The following BACH2 variants were observed in gnomAD, a reference collection of about 807,000 sequenced individuals.
BACH2 encodes transcription regulator protein BACH2.
Under a neutral mutation model 61.8 loss-of-function variants are expected in BACH2, and 5 were observed. That is an observed-to-expected ratio of 0.08 (90% CI 0.04 to 0.17). BACH2 has a LOEUF of 0.17. BACH2 is among the 10% of genes least tolerant of loss of function. The pLI, the probability that BACH2 is intolerant of heterozygous loss-of-function variation, is 1.00. For missense variants in BACH2, 824 were observed against 1,091.1 expected (o/e 0.76, Z 3.45); for synonymous variants, 446 against 440.1 (o/e 1.01, Z -0.17).
intron 5 of BACH2, among the ~76,000 whole-genome samples, chr6:90,079,417 C>A (rs933054495): frequency 6.6e-6 from 1 of 152,188 alleles, no homozygotes. Flanking sequence ...TGTAAAACTG[C>A]ATTTCAAATA....
At chr6:90,199,845 G>A (rs921531433) in intron 4 of BACH2, among the ~76,000 whole-genome samples, 3 of 152,212 alleles carry the variant, frequency 2.0e-5, no homozygotes, top group Non-Finnish European at 4.4e-5. Context: ...GAATAGAAGT[G>A]CTACAATGTC....
At chr6:90,061,773 G>A (rs1177035062) in intron 5 of BACH2, among the ~76,000 whole-genome samples, 1 of 152,132 alleles carries the variant, frequency 6.6e-6, no homozygotes. Flanking sequence ...AGAAGGGAGT[G>A]ATTGACTGTG....
intron 5 of BACH2, among the ~76,000 whole-genome samples, chr6:90,073,476 T>G (rs937095775): frequency 6.6e-6 from 1 of 152,244 alleles, no homozygotes; most frequent in Non-Finnish European, 1.5e-5. Context: ...AAGAGAATTC[T>G]GCAAGGATGC....
chr6:90,125,223 GTGTT>G (rs1783797085), intron 4 of BACH2, among the ~76,000 whole-genome samples: 2 of 152,188 alleles, frequency 1.3e-5, no homozygotes, highest in Non-Finnish European at 2.9e-5. Flanking sequence ...ATTAGTTTGT[GTGTT>G]TATTTATAGA....
intron 4 of BACH2, among the ~76,000 whole-genome samples, chr6:90,145,152 A>G (rs546410535): frequency 1.9e-4 from 29 of 152,222 alleles, no homozygotes; most frequent in Non-Finnish European, 3.2e-4. Flanking sequence ...ACAAGCGCAT[A>G]CTGCCTGACA....
At chr6:90,020,515 T>G (rs1778315266) in intron 5 of BACH2, among the ~76,000 whole-genome samples, 1 of 152,002 alleles carries the variant, frequency 6.6e-6, no homozygotes, top group African/African-American at 2.4e-5. Context: ...CAGACAGTCC[T>G]CATCAGCAAG....
At chr6:90,155,272 T>C (rs1010843172) in intron 4 of BACH2, among the ~76,000 whole-genome samples, 10 of 152,206 alleles carry the variant, frequency 6.6e-5, no homozygotes, top group African/African-American at 2.4e-4. Flanking sequence ...TTAGGACTTC[T>C]AAAGGGAAAC....
intron 5 of BACH2, among the ~76,000 whole-genome samples, chr6:90,074,149 T>C (rs182370371): frequency 6.6e-6 from 1 of 152,360 alleles, no homozygotes; most frequent in East Asian, 1.9e-4. Flanking sequence ...GGGTAGTTTA[T>C]AAGTTAATGG....
chr6:90,084,887 T>C (rs1781866935), intron 5 of BACH2, among the ~76,000 whole-genome samples: 1 of 152,098 alleles, frequency 6.6e-6, no homozygotes. Context: ...TCCTTATAGA[T>C]GACTCTTCAG....
chr6:90,203,550 C>G (rs1769032099), intron 4 of BACH2, among the ~76,000 whole-genome samples: 2 of 152,066 alleles, frequency 1.3e-5, no homozygotes, highest in Admixed American at 1.3e-4. Context: ...AATGCACACC[C>G]TGGGAAAATA....
chr6:90,225,352 A>G (rs1398541887), intron 3 of BACH2, among the ~76,000 whole-genome samples: 1 of 152,128 alleles, frequency 6.6e-6, no homozygotes, highest in East Asian at 1.9e-4. Context: ...ATGCCACTGC[A>G]CTCCAGTCTG....
chr6:90,177,526 T>A (rs534398345), intron 4 of BACH2, among the ~76,000 whole-genome samples: 3 of 152,346 alleles, frequency 2.0e-5, no homozygotes, highest in African/African-American at 7.2e-5. Flanking sequence ...AGTGGTAGAA[T>A]TCTGATTAGG....
intron 5 of BACH2, among the ~76,000 whole-genome samples, chr6:90,070,998 G>T (rs927679202): frequency 5.9e-5 from 9 of 151,614 alleles, no homozygotes; most frequent in African/African-American, 1.7e-4. Flanking sequence ...TTGTTTTTTT[G>T]GGGGGAAGTC....
At chr6:90,012,718 T>G (rs1777793525) in intron 5 of BACH2, among the ~76,000 whole-genome samples, 1 of 151,612 alleles carries the variant, frequency 6.6e-6, no homozygotes, top group South Asian at 2.1e-4. Context: ...CCAGATGGAG[T>G]GCAGTGGTGC....
chr6:90,241,046 A>G (rs1770433951), intron 3 of BACH2, among the ~76,000 whole-genome samples: 1 of 151,358 alleles, frequency 6.6e-6, no homozygotes, highest in Admixed American at 6.6e-5. Context: ...GAGGCAGGAG[A>G]ATCGCTTGAA....
At chr6:90,014,350 G>C (rs1478743785) in intron 5 of BACH2, among the ~76,000 whole-genome samples, 1 of 137,936 alleles carries the variant, frequency 7.2e-6, no homozygotes, top group African/African-American at 2.7e-5. Context: ...TACCTGTGAA[G>C]ACTTCTGAGC....
At chr6:90,029,571 C>A (rs1247780053) in intron 5 of BACH2, among the ~76,000 whole-genome samples, 1 of 152,158 alleles carries the variant, frequency 6.6e-6, no homozygotes, top group Non-Finnish European at 1.5e-5. Context: ...TGTTAATGAC[C>A]TATTTTTCTA....
intron 8 of BACH2, among the ~76,000 whole-genome samples, chr6:89,935,792 G>T (rs555841966): frequency 1.3e-5 from 2 of 152,216 alleles, no homozygotes; most frequent in South Asian, 4.1e-4. Context: ...CTCAAATGTG[G>T]GTGACTGAAG....
chr6:90,187,524 T>C (rs1768402460), intron 4 of BACH2, among the ~76,000 whole-genome samples: 1 of 152,330 alleles, frequency 6.6e-6, no homozygotes, highest in East Asian at 1.9e-4. Context: ...AATCTGCTTC[T>C]ACTATGTGAT....
Sources: gnomAD v4.1 joint callset for allele counts (sites outside exome capture counted in the v4.1 genomes callset) on GRCh38, gnomAD v4.1.1 for gene constraint, MANE v1.5 for transcripts, NCBI Gene and HGNC (gene_info 2026-07-23, HGNC 2026-07-21) for gene names.